Variants in DTD1 observed in about 807,000 individuals in gnomAD.
The protein encoded by DTD1 is D-tyrosyl-tRNA deacylase 1 homolog.
Under a neutral mutation model 25.6 loss-of-function variants are expected in DTD1, and 13 were observed. The ratio of observed to expected loss-of-function variants is 0.51; its 90% confidence interval spans 0.33 to 0.81. The LOEUF (loss-of-function observed/expected upper bound fraction) is 0.81. Among genes scored for constraint, DTD1 ranks in the 30% least tolerant of loss-of-function variants. The pLI is 0.02. For synonymous variants in DTD1, 110 were observed against 103.6 expected (o/e 1.06, Z -0.37); for missense variants, 193 against 266.4 (o/e 0.72, Z 1.92).
intron 5 of DTD1, among the ~76,000 whole-genome samples, chr20:18,762,884 G>A (rs887873216): frequency 1.3e-5 from 2 of 151,296 alleles, no homozygotes; most frequent in African/African-American, 2.4e-5. Flanking sequence ...GATTTACTTT[G>A]CTTTTATTCT....
intron 4 of DTD1, among the ~76,000 whole-genome samples, chr20:18,695,534 C>T (rs60069319): frequency 6.7e-5 from 2 of 29,640 alleles, no homozygotes; most frequent in Non-Finnish European, 1.5e-4. Flanking sequence ...CCCTTCCCTT[C>T]CTTTCCCTTC....
intron 4 of DTD1, among the ~76,000 whole-genome samples, chr20:18,647,126 G>A (rs909773919): frequency 6.6e-6 from 1 of 152,180 alleles, no homozygotes; most frequent in Admixed American, 6.5e-5. Flanking sequence ...AATTTTCATC[G>A]CGAATATCTA....
At chr20:18,645,743 C>T (rs2060847765) in intron 4 of DTD1, among the ~76,000 whole-genome samples, 1 of 152,150 alleles carries the variant, frequency 6.6e-6, no homozygotes, top group African/African-American at 2.4e-5. Context: ...GGTCTGTGGC[C>T]TTCAGCCTGA....
intron 4 of DTD1, among the ~76,000 whole-genome samples, chr20:18,634,473 G>C (rs574280076): frequency 6.6e-6 from 1 of 152,348 alleles, no homozygotes; most frequent in Admixed American, 6.5e-5. Flanking sequence ...GAACTTTCAA[G>C]TATACATGTT....
rs1008329892 is a variant in DTD1 at position 18,741,925 on chromosome 20, G to A, written c.478-2175G>A. ...TTTTTTTTTTTTTTTTTTTTGTAGA[G>A]ACAGGGTCTCTCTATGTTGCCCAGG... On this transcript the variant is annotated intron_variant, in intron 4 of 5. Transcript: ENST00000377452. Among the ~76,000 whole-genome samples, 430 of 138,334 alleles carry A rather than the reference G, an allele frequency of 3.1e-3. 3 individuals are homozygous for A. Among genetic ancestry groups the A allele is most frequent in the African/African-American group, 0.012 (416 of 35,494 alleles). The allele number at this position is 138,334 out of a possible 152,430, so 90.8% of individuals were successfully genotyped here.
At chr20:18,734,881 A>G (rs578086314) in intron 4 of DTD1, among the ~76,000 whole-genome samples, 4 of 152,244 alleles carry the variant, frequency 2.6e-5, no homozygotes, top group African/African-American at 7.2e-5. Flanking sequence ...GGATGGGGGC[A>G]TTTACCCTTT....
intron 5 of DTD1, among the ~76,000 whole-genome samples, chr20:18,746,863 T>C (rs1276062718): frequency 6.6e-6 from 1 of 152,164 alleles, no homozygotes; most frequent in African/African-American, 2.4e-5. Context: ...CCTGTTGTCC[T>C]CTTAACTGTT....
chr20:18,689,810 C>G (rs1231566391), intron 4 of DTD1, among the ~76,000 whole-genome samples: 3 of 106,172 alleles, frequency 2.8e-5, no homozygotes, highest in African/African-American at 9.7e-5. Context: ...GACTGTGGAA[C>G]TTAAATTTTA....
chr20:18,732,638 G>A (rs1407355978), intron 4 of DTD1, among the ~76,000 whole-genome samples: 1 of 152,224 alleles, frequency 6.6e-6, no homozygotes, highest in Admixed American at 6.5e-5. Context: ...CACTGGGAGT[G>A]TTAGAAGTGC....
At position 18,613,819 on chromosome 20, in the gene DTD1, C is replaced by G. The variant is rs148537976; in HGVS notation, c.371-14308C>G. Among the ~76,000 whole-genome samples the G allele has an allele frequency of 4.3e-3, 648 of 152,274 alleles. 3 individuals carry two copies. The highest frequency in any genetic ancestry group is 6.3e-3 in the Non-Finnish European group (429 of 68,012). On this transcript the variant is annotated intron_variant, in intron 3 of 5. Coordinates refer to ENST00000377452, the MANE Select transcript of DTD1 (RefSeq NM_080820.6). ...GTGTTTAGGTCATTTGTTGATTCTT[C>G]TTGACTCATCAAACCAATACCCATG...
At chr20:18,730,578 C>T (rs945108618) in intron 4 of DTD1, among the ~76,000 whole-genome samples, 3 of 152,150 alleles carry the variant, frequency 2.0e-5, no homozygotes, top group African/African-American at 7.2e-5. Flanking sequence ...TCCACAAGCT[C>T]ATTAGGCATT....
chr20:18,720,520 T>G (rs1770868183), intron 4 of DTD1, among the ~76,000 whole-genome samples: 1 of 152,216 alleles, frequency 6.6e-6, no homozygotes, highest in Admixed American at 6.5e-5. Context: ...TTGTAGTGTT[T>G]TTATCAGCAG....
intron 4 of DTD1, among the ~76,000 whole-genome samples, chr20:18,641,357 C>T (rs2060827426): frequency 6.6e-6 from 1 of 152,172 alleles, no homozygotes; most frequent in African/African-American, 2.4e-5. Context: ...GGGTAAATAC[C>T]TAGGTACAGG....
intron 4 of DTD1, among the ~76,000 whole-genome samples, chr20:18,695,288 G>C (rs1267923024): frequency 7.9e-5 from 12 of 151,602 alleles, no homozygotes; most frequent in Non-Finnish European, 1.5e-5. Context: ...TCGTTCAGGT[G>C]CACATCTGCC....
At chr20:18,694,470 T>C (rs2061061973) in intron 4 of DTD1, among the ~76,000 whole-genome samples, 1 of 152,188 alleles carries the variant, frequency 6.6e-6, no homozygotes, top group South Asian at 2.1e-4. Flanking sequence ...AGAGCATTGG[T>C]GAGGGCTCCA....
chr20:18,705,516 A>C (rs1305871223), intron 4 of DTD1, among the ~76,000 whole-genome samples: 1 of 152,168 alleles, frequency 6.6e-6, no homozygotes, highest in Admixed American at 6.5e-5. Context: ...CCAGGAAGCT[A>C]CCGCCAGGTT....
At chr20:18,694,302 C>T (rs1315212065) in intron 4 of DTD1, among the ~76,000 whole-genome samples, 2 of 152,172 alleles carry the variant, frequency 1.3e-5, no homozygotes, top group Non-Finnish European at 2.9e-5. Context: ...TCCCTCTTCT[C>T]AGCAGGGAAG....
intron 4 of DTD1, among the ~76,000 whole-genome samples, chr20:18,634,727 G>A (rs1248393093): frequency 1.3e-5 from 2 of 152,136 alleles, no homozygotes; most frequent in African/African-American, 4.8e-5. Flanking sequence ...AGGGTAAGGG[G>A]GTGTGGGGGA....
At chr20:18,730,597 T>C (rs1408769929) in intron 4 of DTD1, among the ~76,000 whole-genome samples, 1 of 152,240 alleles carries the variant, frequency 6.6e-6, no homozygotes, top group African/African-American at 2.4e-5. Flanking sequence ...TTTGCATTTA[T>C]TTACAATTTT....
Sources: allele counts gnomAD v4.1 joint callset (sites outside exome capture counted in the v4.1 genomes callset), GRCh38; gene constraint gnomAD v4.1.1; transcripts MANE v1.5; gene names NCBI Gene and HGNC (gene_info 2026-07-23, HGNC 2026-07-21).